PTPRF: variants seen among roughly 807,000 people sequenced by gnomAD.
PTPRF encodes protein tyrosine phosphatase receptor type F, also known as receptor-type tyrosine-protein phosphatase F.
PTPRF carries 59 observed loss-of-function variants against 201.8 expected under a neutral mutation model. The observed-to-expected ratio is 0.29, with a 90% confidence interval of 0.24 to 0.36. The LOEUF (loss-of-function observed/expected upper bound fraction) is 0.36. Ranked by LOEUF, PTPRF falls within the 10% of genes least tolerant of loss-of-function variation. The probability of loss-of-function intolerance (pLI) is 1.00; values close to 1 mark genes in which losing one functional copy is unlikely to be tolerated. For synonymous variants in PTPRF, 1,088 were observed against 1,089.7 expected (o/e 1.00, Z 0.03); for missense variants, 2,132 against 2,690.5 (o/e 0.79, Z 4.59).
At chr1:43,589,054 G>A in intron 8 of PTPRF, 54 bp downstream of exon 8, 1 of 1,469,400 alleles carries the variant, frequency 6.8e-7, no homozygotes. Context: ...GGGAGGTCCT[G>A]GTGGTGGGCG....
In PTPRF at chr1:43,573,023, A is replaced by G. The variant is rs949030607; in HGVS notation, c.568+3245A>G. Among the ~76,000 whole-genome samples, 6 of 152,016 alleles carry G rather than the reference A, an allele frequency of 3.9e-5. No individual in the cohort carries two copies. In the South Asian group the frequency reaches 6.2e-4, roughly 16 times the overall value. On this transcript the variant is annotated intron_variant, in intron 6 of 33. Transcript: ENST00000359947. ...TGCAACCTGAGCCACAGCACATCTA[A>G]CCAGGGCATGACCCCCCAAGTAGGA... is the stretch of plus-strand genomic sequence containing the variant.
chr1:43,522,837 G>A (rs1265116047), upstream of PTPRF, among the ~76,000 whole-genome samples: 4 of 152,102 alleles, frequency 2.6e-5, no homozygotes, highest in African/African-American at 7.2e-5. Context: ...GGCAAAGGGA[G>A]GGCATTTCAT....
chr1:43,603,411 C>G lies in PTPRF; in HGVS notation c.2341-5C>G. 1 of 1,613,256 alleles carries G rather than the reference C, an allele frequency of 6.2e-7. No individual in the cohort carries two copies. On this transcript the variant is annotated splice_region_variant and splice_polypyrimidine_tract_variant and intron_variant, in intron 14 of 33. Coordinates refer to ENST00000359947, the MANE Select transcript of PTPRF (RefSeq NM_002840.5). This position sits in a 1 kb window ranked among gnomAD's most constrained non-coding sequence, Gnocchi z 5.8. Reference sequence around the variant, plus strand: ...GATGGGAACGAACCCCTCCTCCTCCCTCAGGAAACCACTATCAGCGGCCTG... The same window carrying G: ...GATGGGAACGAACCCCTCCTCCTCCGTCAGGAAACCACTATCAGCGGCCTG...
intron 3 of PTPRF, among the ~76,000 whole-genome samples, chr1:43,550,398 G>A (rs1484161063): frequency 6.6e-6 from 1 of 150,476 alleles, no homozygotes; most frequent in Non-Finnish European, 1.5e-5. Flanking sequence ...TTCCGGTTCA[G>A]CCGGTTCCAG....
intron 5 of PTPRF, among the ~76,000 whole-genome samples, chr1:43,563,253 C>T (rs985603266): frequency 6.6e-6 from 1 of 150,766 alleles, no homozygotes; most frequent in Non-Finnish European, 1.5e-5. Context: ...AGGTGCAAGG[C>T]TCCAGGTTCC....
intron 6 of PTPRF, chr1:43,575,866 A>G: frequency 7.4e-7 from 1 of 1,345,862 alleles, no homozygotes; most frequent in Non-Finnish European, 9.9e-7. Flanking sequence ...CTTTTATACT[A>G]ATGCTTCTCT....
chr1:43,606,569 C>T (rs925636749), intron 20 of PTPRF, 111 bp downstream of exon 20: 19 of 1,195,626 alleles, frequency 1.6e-5, no homozygotes, highest in African/African-American at 1.4e-4. Context: ...TTGGGGGCTT[C>T]GAGATCCTGG....
rs751913526 is a variant in PTPRF at position 43,617,470 on chromosome 1, C to G, written c.4097C>G (p.Thr1366Arg). The change falls in exon 24 of 34, where the codon ACG (threonine) becomes AGG (arginine). Residue 1366 changes from threonine to arginine, a missense_variant. Thr to Arg is a moderately conservative substitution (Grantham distance 71). This residue lies in a region of PTPRF where 818 missense variants were observed against 915.3 expected (regional missense o/e 0.89). Coordinates refer to ENST00000359947, the MANE Select transcript of PTPRF (RefSeq NM_002840.5). ...TCCATCGACCCTGGACAGCAGTTCA[C>G]GTGGGAGAATTCAAACCTGGAGGTG... ...YESIDPGQQF[T>R]WENSNLEVNK... The G allele has an allele frequency of 6.2e-7, 1 of 1,614,060 alleles. No individual in the cohort carries two copies. Among genetic ancestry groups the G allele is most frequent in the African/African-American group, 1.3e-5 (1 of 74,926 alleles).
upstream of PTPRF, among the ~76,000 whole-genome samples, chr1:43,529,437 T>C (rs1309037164): frequency 6.6e-6 from 1 of 152,218 alleles, no homozygotes; most frequent in East Asian, 1.9e-4. Flanking sequence ...TACCACGTGA[T>C]CCCTGAATCC....
intron 21 of PTPRF, among the ~76,000 whole-genome samples, chr1:43,607,767 C>CA (rs894201021): frequency 1.3e-5 from 2 of 152,242 alleles, no homozygotes; most frequent in Admixed American, 6.5e-5. Flanking sequence ...GATCTCCCTC[C>CA]CCCTGCCCAC....
intron 1 of PTPRF, among the ~76,000 whole-genome samples, chr1:43,534,395 G>T (rs575927886): frequency 6.6e-6 from 1 of 152,342 alleles, no homozygotes; most frequent in African/African-American, 2.4e-5. Context: ...GGGCAAGAGG[G>T]TGCAGGTAAG....
intron 5 of PTPRF, among the ~76,000 whole-genome samples, chr1:43,558,440 A>C (rs958726923): frequency 8.5e-5 from 13 of 152,054 alleles, no homozygotes; most frequent in African/African-American, 3.1e-4. Flanking sequence ...GCATCTGAGC[A>C]GGATTGTTAT....
chr1:43,598,956 C>A lies in PTPRF; in HGVS notation c.2313+43C>A, dbSNP rs757409112. The A allele has an allele frequency of 2.5e-6, 4 of 1,579,994 alleles. No homozygotes were observed. The South Asian group carries it at 3.4e-5, about 13-fold the overall frequency. On this transcript the variant is annotated intron_variant, in intron 13 of 33. Transcript: ENST00000359947. ...GGTGGGGTGGCAGGGTGAGCACAGA[C>A]CAGCATGCACAAGCTCCCTTTTGGG...
intron 7 of PTPRF, chr1:43,583,035 C>A (rs1009038356): frequency 2.0e-6 from 2 of 980,066 alleles, no homozygotes; most frequent in Non-Finnish European, 2.4e-6. Context: ...TTATTCCCTC[C>A]TCATCTTCAT....
chr1:43,580,490 T>C (rs1647307348), intron 7 of PTPRF, among the ~76,000 whole-genome samples: 2 of 152,202 alleles, frequency 1.3e-5, no homozygotes, highest in African/African-American at 4.8e-5. Context: ...GGAGGTCCCC[T>C]AGCTTACTGT....
At chr1:43,618,850 G>A (rs1658500049) in intron 26 of PTPRF, 101 bp downstream of exon 26, 7 of 1,513,800 alleles carry the variant, frequency 4.6e-6, no homozygotes, top group Non-Finnish European at 6.3e-6. Flanking sequence ...CCTGGGTGTT[G>A]GAGGGTCGGA....
At chr1:43,582,216 G>A (rs1264217248) in intron 7 of PTPRF, among the ~76,000 whole-genome samples, 2 of 152,238 alleles carry the variant, frequency 1.3e-5, no homozygotes, top group East Asian at 3.9e-4. Flanking sequence ...TGAAGCACCA[G>A]GCACATTGCC....
chr1:43,563,284 T>TG (rs1645934320), intron 5 of PTPRF, among the ~76,000 whole-genome samples: 1 of 150,348 alleles, frequency 6.7e-6, no homozygotes, highest in African/African-American at 2.5e-5. Context: ...GCTGGGTAGG[T>TG]GGGGGTGCCA....
At chr1:43,580,755 G>A (rs543610240) in intron 7 of PTPRF, among the ~76,000 whole-genome samples, 1 of 152,344 alleles carries the variant, frequency 6.6e-6, no homozygotes, top group East Asian at 1.9e-4. Flanking sequence ...GTGCTCTCTA[G>A]AGCTCTGCTC....
Sources: gnomAD v4.1 joint callset for allele counts (sites outside exome capture counted in the v4.1 genomes callset) on GRCh38, gnomAD v4.1.1 for gene constraint, gnomAD v4.1.1 regional missense constraint, Gnocchi (gnomAD v3.1) non-coding constraint, MANE v1.5 for transcripts, NCBI Gene and HGNC (gene_info 2026-07-23, HGNC 2026-07-21) for gene names.